Variants in SEMA3D observed in about 807,000 individuals in gnomAD.
The protein encoded by SEMA3D is semaphorin-3D.
In SEMA3D, 84 loss-of-function variants were observed where a neutral mutation model predicts 100.1. That is an observed-to-expected ratio of 0.84 (90% CI 0.70 to 1.01). The LOEUF is 1.01. SEMA3D is among the 50% of genes least tolerant of loss of function. The pLI is 0.00. For missense variants in SEMA3D, 875 were observed against 934.1 expected (o/e 0.94, Z 0.82); for synonymous variants, 312 against 320.7 (o/e 0.97, Z 0.29).
chr7:85,036,020 G>T (rs934165131), intron 12 of SEMA3D, among the ~76,000 whole-genome samples: 4 of 151,912 alleles, frequency 2.6e-5, no homozygotes, highest in African/African-American at 9.7e-5. Context: ...CATATGAAAA[G>T]ATAATATTCA....
At chr7:85,098,043 A>G in intron 3 of SEMA3D, 78 bp from the exon 4 acceptor site, 2 of 744,526 alleles carry the variant, frequency 2.7e-6, no homozygotes, top group Non-Finnish European at 4.1e-6. Flanking sequence ...AGAAAGAAGA[A>G]AGAAAAAGAA....
chr7:85,057,161 A>T (rs1190578017), intron 8 of SEMA3D, among the ~76,000 whole-genome samples: 1 of 152,072 alleles, frequency 6.6e-6, no homozygotes, highest in Non-Finnish European at 1.5e-5. Context: ...AATGTTTGCA[A>T]TATGATGAAC....
At chr7:85,176,793 TAGAGAGAG>T (rs71297126) in intron 1 of SEMA3D, among the ~76,000 whole-genome samples, 10 of 149,874 alleles carry the variant, frequency 6.7e-5, no homozygotes, top group East Asian at 5.9e-4. Context: ...TATATATATA[TAGAGAGAG>T]AGAGAGAGAG....
the SEMA3D span, among the ~76,000 whole-genome samples, chr7:85,200,936 T>G: frequency 6.6e-6 from 1 of 152,202 alleles, no homozygotes; most frequent in African/African-American, 2.4e-5. Context: ...TACACAGTTG[T>G]ATATGGATTT....
chr7:85,077,483 G>T (rs1256626697), intron 5 of SEMA3D, among the ~76,000 whole-genome samples: 1 of 151,632 alleles, frequency 6.6e-6, no homozygotes, highest in Non-Finnish European at 1.5e-5. Context: ...TAAATAATCA[G>T]CACGAAAAAG....
At chr7:85,178,988 G>A (rs563627053) in intron 1 of SEMA3D, among the ~76,000 whole-genome samples, 1 of 152,326 alleles carries the variant, frequency 6.6e-6, no homozygotes, top group East Asian at 1.9e-4. Context: ...CAGCTTCCAT[G>A]TGGTGTTGGT....
At chr7:85,152,836 A>T (rs1790466696) in intron 2 of SEMA3D, among the ~76,000 whole-genome samples, 1 of 152,166 alleles carries the variant, frequency 6.6e-6, no homozygotes, top group Non-Finnish European at 1.5e-5. Context: ...ATAATTGTTC[A>T]TCTTTAGTTC....
chr7:85,008,173 C>A (rs1789852608), intron 17 of SEMA3D, among the ~76,000 whole-genome samples: 1 of 151,698 alleles, frequency 6.6e-6, no homozygotes, highest in South Asian at 2.1e-4. Context: ...ATAACAGATA[C>A]AATTTTCCTG....
intron 2 of SEMA3D, chr7:85,143,330 A>G (rs1430490921): frequency 1.9e-5 from 7 of 366,032 alleles, no homozygotes; most frequent in Non-Finnish European, 2.6e-5. Flanking sequence ...CAATGAGAAT[A>G]TGTTCTGATA....
chr7:85,055,190 T>G (rs1791274007), intron 9 of SEMA3D, among the ~76,000 whole-genome samples: 1 of 152,128 alleles, frequency 6.6e-6, no homozygotes, highest in Non-Finnish European at 1.5e-5. Flanking sequence ...TGATATATAA[T>G]TTTACATATG....
chr7:85,212,858 G>C, the SEMA3D span, among the ~76,000 whole-genome samples: 1 of 151,508 alleles, frequency 6.6e-6, no homozygotes, highest in Non-Finnish European at 1.5e-5. Context: ...TACATTTCAG[G>C]CAAAATATCT....
At chr7:85,199,342 T>C in the SEMA3D span, among the ~76,000 whole-genome samples, 1 of 152,152 alleles carries the variant, frequency 6.6e-6, no homozygotes, top group Non-Finnish European at 1.5e-5. Flanking sequence ...CTCTACTTGA[T>C]TTTTGTATGG....
the SEMA3D span, among the ~76,000 whole-genome samples, chr7:85,209,764 G>T: frequency 0.98 from 149,710 of 152,182 alleles, 73,647 homozygotes; most frequent in East Asian, 1. Flanking sequence ...TGAAATAGTT[G>T]TTCAGCTCTT....
Position 85,094,145 on chromosome 7 carries a change from A to T in SEMA3D, c.312+3660T>A, listed in dbSNP as rs1231447908. ...AAGGAGAAAGAGAGGGTGGGGAGAG[A>T]GAAGCAGAAAATAGAGTGCATGTGA... On this transcript the variant is annotated intron_variant, in intron 4 of 18. Transcript: ENST00000284136. 5.9e-5 allele frequency among the ~76,000 whole-genome samples: 9 copies of T among 152,116 alleles called. No homozygotes were observed. In the South Asian group the frequency reaches 1.9e-3, roughly 32 times the overall value.
At chr7:85,143,001 T>A (rs1790101017) in intron 2 of SEMA3D, 1 of 975,912 alleles carries the variant, frequency 1.0e-6, no homozygotes, top group Non-Finnish European at 1.2e-6. Flanking sequence ...CTAAACTTTT[T>A]TATCTTTTCA....
At chr7:85,198,256 T>G in the SEMA3D span, among the ~76,000 whole-genome samples, 15 of 152,152 alleles carry the variant, frequency 9.9e-5, no homozygotes, top group African/African-American at 3.6e-4. Context: ...ATATCATTAC[T>G]AGGTATTTTA....
chr7:85,078,964 T>C (rs1787971095), intron 5 of SEMA3D, among the ~76,000 whole-genome samples: 3 of 152,158 alleles, frequency 2.0e-5, no homozygotes. Flanking sequence ...AAAATGAGGA[T>C]CTATGTTCTG....
intron 8 of SEMA3D, among the ~76,000 whole-genome samples, chr7:85,058,426 A>C (rs1791382363): frequency 6.6e-6 from 1 of 151,928 alleles, no homozygotes; most frequent in South Asian, 2.1e-4. Context: ...GCAAACCAAC[A>C]CTTCAGATTT....
the SEMA3D span, among the ~76,000 whole-genome samples, chr7:85,204,042 A>G: frequency 6.6e-6 from 1 of 152,234 alleles, no homozygotes; most frequent in Non-Finnish European, 1.5e-5. Context: ...CATGTCCTAT[A>G]TATTCTAGAT....
Sources: allele counts gnomAD v4.1 joint callset (sites outside exome capture counted in the v4.1 genomes callset), GRCh38; gene constraint gnomAD v4.1.1; transcripts MANE v1.5; gene names NCBI Gene and HGNC (gene_info 2026-07-23, HGNC 2026-07-21).